Variants in HSPA4 observed in about 807,000 individuals in gnomAD.
HSPA4 encodes the protein heat shock protein family A (Hsp70) member 4.
In HSPA4, 25 loss-of-function variants were observed where a neutral mutation model predicts 106.2. The observed-to-expected ratio is 0.24, with a 90% CI of 0.17 to 0.33. The LOEUF (loss-of-function observed/expected upper bound fraction) is 0.33, where lower values mean the gene tolerates loss of function less well. HSPA4 is among the 10% of genes least tolerant of loss of function. The pLI is 1.00. For missense variants in HSPA4, 841 were observed against 996.0 expected, an observed-to-expected ratio of 0.84 and a Z score of 2.10; for synonymous variants, 332 against 333.6, an observed-to-expected ratio of 1.00 and a Z score of 0.05.
intron 2 of HSPA4, among the ~76,000 whole-genome samples, chr5:133,065,686 G>A (rs1326383101): frequency 6.6e-6 from 1 of 152,230 alleles, no homozygotes; most frequent in African/African-American, 2.4e-5. Context: ...TATAAGGTAA[G>A]TGTTGATCTT....
chr5:133,061,120 C>G (rs1189740205), intron 1 of HSPA4, among the ~76,000 whole-genome samples: 3 of 147,272 alleles, frequency 2.0e-5, no homozygotes, highest in Non-Finnish European at 4.5e-5. Context: ...CATGTGTTTT[C>G]TTTTCTTTTT....
intron 7 of HSPA4, among the ~76,000 whole-genome samples, chr5:133,077,368 G>T (rs562143678): frequency 6.6e-6 from 1 of 152,118 alleles, no homozygotes; most frequent in Non-Finnish European, 1.5e-5. Flanking sequence ...CTCCTGAGTA[G>T]CTGGGGTTAT....
rs565237690 is a variant in HSPA4, at chr5:133,104,185, A to G, written c.2320-48A>G. ...GATTTGGGTTTAGCATGGCTTGTAA[A>G]ATTTGTTAATTTTATAAGAAACCAG... is the stretch of plus-strand genomic sequence containing the variant. On this transcript the variant is annotated intron_variant, in intron 18 of 18. Coordinates refer to ENST00000304858, the MANE Select transcript of HSPA4 (RefSeq NM_002154.4). The G allele has an allele frequency of 7.0e-6, 11 of 1,582,400 alleles. No homozygotes were observed. In the African/African-American group the frequency reaches 8.1e-5, roughly 12 times the overall value.
intron 17 of HSPA4, among the ~76,000 whole-genome samples, chr5:133,103,650 A>T (rs909986288): frequency 8.5e-5 from 13 of 152,138 alleles, no homozygotes; most frequent in African/African-American, 3.1e-4. Context: ...ATACCTTATG[A>T]ATTTTCTTGA....
intron 1 of HSPA4, among the ~76,000 whole-genome samples, chr5:133,055,588 G>A (rs1285347033): frequency 6.6e-6 from 1 of 152,064 alleles, no homozygotes; most frequent in Non-Finnish European, 1.5e-5. Context: ...GATGTTGAGT[G>A]CCTCTGATGT....
At chr5:133,091,727 T>C (rs113424861) in intron 12 of HSPA4, among the ~76,000 whole-genome samples, 3 of 152,338 alleles carry the variant, frequency 2.0e-5, no homozygotes, top group African/African-American at 7.2e-5. Context: ...TTGTCTTCAT[T>C]GTGCATCAGA....
At position 133,052,183 on chromosome 5, in the gene HSPA4, C is replaced by T. The variant is rs992698123; in HGVS notation, c.-68C>T. Reference sequence around the variant, plus strand: ...AGAGGCCTGCTTTCCACTCGCTAGCCCCGCCGGGGGTCCGTGTCCTGTCTC... The same window carrying T: ...AGAGGCCTGCTTTCCACTCGCTAGCTCCGCCGGGGGTCCGTGTCCTGTCTC... On this transcript the variant is annotated 5_prime_UTR_variant, in exon 1 of 19. Coordinates refer to ENST00000304858, the MANE Select transcript of HSPA4 (RefSeq NM_002154.4). The T allele has an allele frequency of 2.7e-6, 3 of 1,122,648 alleles. No homozygotes were observed. The highest frequency in any genetic ancestry group is 3.9e-6 in the Non-Finnish European group (3 of 773,958). 69.5% of individuals were successfully genotyped at this position (1,122,648 alleles called of 1,614,324 possible).
In HSPA4 at chr5:133,106,102, A is replaced by AAT. The variant is rs1765855596; in HGVS notation, c.*1666_*1667insAT. ...GCCATTTCTTCTTAAAAAAAAAAAA[A>AAT]TTTTTTTTTTTTTTTTTTTTTTTTT... On this transcript the variant is annotated 3_prime_UTR_variant, in exon 19 of 19. Transcript: ENST00000304858. 1.0e-4 allele frequency: 6 copies of AAT among 57,156 alleles called. No individual in the cohort carries two copies. The highest frequency in any genetic ancestry group is 1.5e-4 in the Non-Finnish European group (5 of 32,400). The allele number at this position is 57,156 out of a possible 1,614,324, so 3.5% of individuals were successfully genotyped here.
At chr5:133,069,334 C>T (rs538530765) in intron 3 of HSPA4, among the ~76,000 whole-genome samples, 1 of 151,974 alleles carries the variant, frequency 6.6e-6, no homozygotes, top group Admixed American at 6.6e-5. Context: ...ACTGCAACCT[C>T]TGCCTCCTGG....
chr5:133,100,256 G>T (rs1162910734), intron 16 of HSPA4, among the ~76,000 whole-genome samples: 2 of 151,518 alleles, frequency 1.3e-5, no homozygotes, highest in African/African-American at 4.9e-5. Context: ...TAGAGACAGG[G>T]TTTCTTTTCA....
In HSPA4 at chr5:133,104,651, T is replaced by C; in HGVS notation, c.*215T>C. ...CATTGTATCTTTTTCATAATGGTACTATTTAGAAGCCCAGTTAGTCTTACT... is the reference window on the plus strand; with the variant it reads ...CATTGTATCTTTTTCATAATGGTACCATTTAGAAGCCCAGTTAGTCTTACT... On this transcript the variant is annotated 3_prime_UTR_variant, in exon 19 of 19. Coordinates refer to ENST00000304858, the MANE Select transcript of HSPA4 (RefSeq NM_002154.4). 1 of 528,550 alleles carries C rather than the reference T, an allele frequency of 1.9e-6. No individual in the cohort carries two copies. The highest frequency in any genetic ancestry group is 3.4e-6 in the Non-Finnish European group (1 of 295,658). 32.7% of individuals were successfully genotyped at this position (528,550 alleles called of 1,614,324 possible).
intron 12 of HSPA4, 32 bp downstream of exon 12, chr5:133,091,406 G>T: frequency 6.5e-7 from 1 of 1,527,744 alleles, no homozygotes; most frequent in African/African-American, 1.4e-5. Flanking sequence ...ACTTGTGATG[G>T]CCCAGAGGTG....
intron 7 of HSPA4, among the ~76,000 whole-genome samples, chr5:133,078,657 A>C (rs1329152534): frequency 9.3e-5 from 14 of 150,258 alleles, no homozygotes; most frequent in African/African-American, 3.4e-4. Context: ...AAAAAAAAAA[A>C]GTTGTACTGT....
chr5:133,067,843 A>G (rs189480818), intron 3 of HSPA4, among the ~76,000 whole-genome samples: 1 of 150,092 alleles, frequency 6.7e-6, no homozygotes, highest in Non-Finnish European at 1.5e-5. Flanking sequence ...TGGGCTTTTT[A>G]GCATGATTTT....
At chr5:133,072,499 A>G (rs1262736975) in intron 4 of HSPA4, among the ~76,000 whole-genome samples, 1 of 146,320 alleles carries the variant, frequency 6.8e-6, no homozygotes, top group East Asian at 2.0e-4. Flanking sequence ...TCCCAGGTTC[A>G]AGCCTCAACC....
intron 17 of HSPA4, among the ~76,000 whole-genome samples, chr5:133,103,024 G>A (rs1765808152): frequency 1.3e-5 from 2 of 149,236 alleles, no homozygotes; most frequent in African/African-American, 5.0e-5. Context: ...TAGGATTATA[G>A]GCATTAGCCA....
chr5:133,087,070 A>T (rs958042284), intron 8 of HSPA4, among the ~76,000 whole-genome samples: 2 of 152,218 alleles, frequency 1.3e-5, no homozygotes, highest in African/African-American at 4.8e-5. Context: ...TTCTCCAAGA[A>T]ACTGAATTCA....
intron 12 of HSPA4, among the ~76,000 whole-genome samples, chr5:133,092,268 T>A (rs539743669): frequency 2.8e-4 from 43 of 152,222 alleles, no homozygotes; most frequent in Admixed American, 6.5e-4. Flanking sequence ...CATGCAGTGG[T>A]CATACTTTTG....
chr5:133,066,918 G>A (rs969597564), intron 2 of HSPA4, among the ~76,000 whole-genome samples: 4 of 151,924 alleles, frequency 2.6e-5, no homozygotes, highest in Admixed American at 6.6e-5. Flanking sequence ...GTTTCACCAT[G>A]TTGGTCAGGC....
Sources: allele counts gnomAD v4.1 joint callset (sites outside exome capture counted in the v4.1 genomes callset), GRCh38; gene constraint gnomAD v4.1.1; transcripts MANE v1.5; gene names NCBI Gene and HGNC (gene_info 2026-07-23, HGNC 2026-07-21).